KATNBL1: variants seen among roughly 807,000 people sequenced by gnomAD.
KATNBL1 encodes KATNB1-like protein 1.
Under a neutral mutation model 44.7 loss-of-function variants are expected in KATNBL1, and 28 were observed. The ratio of observed to expected loss-of-function variants is 0.63; its 90% CI spans 0.46 to 0.86. KATNBL1 has a LOEUF of 0.86. Ranked by LOEUF, KATNBL1 falls within the 40% of genes least tolerant of loss-of-function variation. The pLI, the probability that KATNBL1 is intolerant of heterozygous loss-of-function variation, is 0.00. For missense variants in KATNBL1, 272 were observed against 350.7 expected (o/e 0.78, Z 1.79); for synonymous variants, 78 against 114.9 (o/e 0.68, Z 2.06).
At chr15:34,158,998 T>A (rs1274249644) in intron 2 of KATNBL1, among the ~76,000 whole-genome samples, 3 of 152,228 alleles carry the variant, frequency 2.0e-5, no homozygotes, top group Non-Finnish European at 4.4e-5. Context: ...AAGCGAATTA[T>A]CAGTGGTTAG....
At chr15:34,189,223 C>T (rs2140982217) in intron 1 of KATNBL1, among the ~76,000 whole-genome samples, 1 of 152,306 alleles carries the variant, frequency 6.6e-6, no homozygotes, top group African/African-American at 2.4e-5. Flanking sequence ...GGGGTTTTGC[C>T]ATGCTGGCCA....
intron 3 of KATNBL1, 49 bp from the exon 4 acceptor site, chr15:34,153,118 C>A: frequency 7.1e-7 from 1 of 1,402,908 alleles, no homozygotes; most frequent in Non-Finnish European, 9.7e-7. Context: ...ATATGAAATC[C>A]TTTAAAAGTT....
chr15:34,177,437 G>T (rs1889368222), intron 1 of KATNBL1, among the ~76,000 whole-genome samples: 1 of 151,946 alleles, frequency 6.6e-6, no homozygotes, highest in Non-Finnish European at 1.5e-5. Flanking sequence ...TTGAGGTCAG[G>T]AGTTTGAGAT....
At chr15:34,188,005 A>G (rs1292511216) in intron 1 of KATNBL1, among the ~76,000 whole-genome samples, 1 of 151,436 alleles carries the variant, frequency 6.6e-6, no homozygotes, top group Non-Finnish European at 1.5e-5. Context: ...CAGGTGTGGT[A>G]GCAAGTGCCT....
chr15:34,178,486 G>A (rs572392954), intron 1 of KATNBL1, among the ~76,000 whole-genome samples: 3 of 152,252 alleles, frequency 2.0e-5, no homozygotes, highest in South Asian at 4.2e-4. Context: ...GGCCGGGCGT[G>A]GTGGCTCTCA....
intron 1 of KATNBL1, among the ~76,000 whole-genome samples, chr15:34,188,032 G>C (rs780073684): frequency 3.4e-5 from 5 of 148,340 alleles, no homozygotes; most frequent in African/African-American, 4.9e-5. Context: ...CCAGCTGCTC[G>C]GTAGGTTGGG....
chr15:34,173,045 TAAAG>T (rs963595890), intron 1 of KATNBL1, among the ~76,000 whole-genome samples: 2 of 149,664 alleles, frequency 1.3e-5, no homozygotes, highest in Non-Finnish European at 3.0e-5. Context: ...TAGGACATAA[TAAAG>T]ATAGTAAAAA....
At position 34,152,427 on chromosome 15, in the gene KATNBL1, C is replaced by T. The variant is rs181346230; in HGVS notation, c.438+363G>A. ...CCATGTTGGCCAGGCTGGTCTCAAA[C>T]GCCTAACCTCGTGATCCACCCACCT... On this transcript the variant is annotated intron_variant, in intron 4 of 9. Coordinates refer to ENST00000256544, the MANE Select transcript of KATNBL1 (RefSeq NM_024713.3). Among the ~76,000 whole-genome samples the T allele has an allele frequency of 6.8e-4, 104 of 152,320 alleles. No individual in the cohort carries two copies. The Middle Eastern group carries it at 0.01, about 15-fold the overall frequency.
rs1330913343 is a variant in KATNBL1, at chr15:34,177,534, C to T, written c.-14-13844G>A. ...TGGTACACGCCTGTAATCCCAGCTA[C>T]TTGGGAGGCTGAGGCAGGAGAATCA... On this transcript the variant is annotated intron_variant, in intron 1 of 9. Transcript: ENST00000256544. Among the ~76,000 whole-genome samples the T allele has an allele frequency of 2.0e-5, 3 of 149,040 alleles. No individual in the cohort carries two copies. In the South Asian group the frequency reaches 6.4e-4, roughly 32 times the overall value.
At chr15:34,171,684 C>T (rs4387572) in intron 1 of KATNBL1, among the ~76,000 whole-genome samples, 56,242 of 152,014 alleles carry the variant, frequency 0.37, 12,419 homozygotes, top group Non-Finnish European at 0.49. Context: ...TTGGAACCAA[C>T]GCAAATGTCC....
At chr15:34,188,137 T>TAACAAAAAAAAAA (rs1889769095) in intron 1 of KATNBL1, among the ~76,000 whole-genome samples, 1 of 22,084 alleles carries the variant, frequency 4.5e-5, no homozygotes, top group Non-Finnish European at 8.3e-5. Flanking sequence ...AGACGCCATG[T>TAACAAAAAAAAAA]AAAAAAAAAA....
chr15:34,193,153 C>T (rs1299230966), intron 1 of KATNBL1, among the ~76,000 whole-genome samples: 1 of 134,436 alleles, frequency 7.4e-6, no homozygotes, highest in Non-Finnish European at 1.5e-5. Flanking sequence ...GGAGGCGGAG[C>T]TTGCAGTGAA....
intron 1 of KATNBL1, among the ~76,000 whole-genome samples, chr15:34,172,760 GACACACACACACACAC>G (rs34182114): frequency 6.8e-6 from 1 of 146,426 alleles, no homozygotes; most frequent in Non-Finnish European, 1.5e-5. Context: ...CACAGACACA[GACACACACACACACAC>G]ACACACACAC....
chr15:34,147,849 G>C (rs75038092), intron 5 of KATNBL1, among the ~76,000 whole-genome samples: 3 of 152,068 alleles, frequency 2.0e-5, no homozygotes, highest in African/African-American at 7.2e-5. Context: ...ACTCAAAAGG[G>C]ATGTTTACTT....
chr15:34,158,656 G>C (rs1434758802), intron 2 of KATNBL1, among the ~76,000 whole-genome samples: 1 of 151,948 alleles, frequency 6.6e-6, no homozygotes, highest in Admixed American at 6.6e-5. Context: ...CTACCCAGAA[G>C]GCATCTTTGA....
In KATNBL1 at chr15:34,142,024, T is replaced by C. The variant is rs953686118; in HGVS notation, c.*315A>G. ...GTATAAATTATATTTTTATGCAGGATTGCATTAAAATCCAGTAGTTCTTAA... is the reference window on the plus strand; with the variant it reads ...GTATAAATTATATTTTTATGCAGGACTGCATTAAAATCCAGTAGTTCTTAA... On this transcript the variant is annotated 3_prime_UTR_variant, in exon 10 of 10. Coordinates refer to ENST00000256544, the MANE Select transcript of KATNBL1 (RefSeq NM_024713.3). The C allele has an allele frequency of 9.2e-5, 19 of 207,564 alleles. No individual in the cohort carries two copies. Among genetic ancestry groups the C allele is most frequent in the African/African-American group, 3.9e-4 (17 of 43,798 alleles). The allele number at this position is 207,564 out of a possible 1,614,324, so 12.9% of individuals were successfully genotyped here.
Position 34,148,752 on chromosome 15 carries a change from T to A in KATNBL1, c.439-2A>T, listed in dbSNP as rs776414805. 2.6e-6 allele frequency: 4 copies of A among 1,511,494 alleles called. No homozygotes were observed. Among genetic ancestry groups the A allele is most frequent in the Middle Eastern group, 1.7e-4 (1 of 5,880 alleles). 93.6% of individuals were successfully genotyped at this position (1,511,494 alleles called of 1,614,324 possible). ...CATTGTTTCATGGTCCTGAGAAACC[T>A]GAAAGGCAATAATCTGATTTGTTAA... On this transcript the variant is annotated splice_acceptor_variant, in intron 4 of 9. Transcript: ENST00000256544. LOFTEE classifies it high-confidence loss of function.
intron 1 of KATNBL1, among the ~76,000 whole-genome samples, chr15:34,195,774 T>C (rs943454336): frequency 9.9e-5 from 15 of 152,028 alleles, no homozygotes; most frequent in Non-Finnish European, 1.8e-4. Flanking sequence ...GACTATGTAT[T>C]GGGAATTCTG....
intron 3 of KATNBL1, among the ~76,000 whole-genome samples, chr15:34,153,576 T>A (rs185286990): frequency 0.025 from 3,631 of 146,554 alleles, 68 homozygotes; most frequent in African/African-American, 0.058. Flanking sequence ...GACTCAAAAA[T>A]TTTTTTTTTT....
Sources: allele counts gnomAD v4.1 joint callset (sites outside exome capture counted in the v4.1 genomes callset), GRCh38; gene constraint gnomAD v4.1.1; transcripts MANE v1.5; gene names NCBI Gene and HGNC (gene_info 2026-07-23, HGNC 2026-07-21).